ANKS1A: variants seen among roughly 807,000 people sequenced by gnomAD.
The protein encoded by ANKS1A is ankyrin repeat and SAM domain-containing protein 1A.
ANKS1A carries 55 observed loss-of-function variants against 120.3 expected under a neutral mutation model. The ratio of observed to expected loss-of-function variants is 0.46; its 90% CI spans 0.37 to 0.57. The LOEUF is 0.57. ANKS1A is among the 20% of genes least tolerant of loss of function. ANKS1A has a pLI of 0.00. For missense variants in ANKS1A, 1,123 were observed against 1,480.3 expected (o/e 0.76, Z 3.96); for synonymous variants, 590 against 604.7 (o/e 0.98, Z 0.36).
chr6:34,929,845 T>C (rs1282043202), intron 1 of ANKS1A, among the ~76,000 whole-genome samples: 2 of 149,074 alleles, frequency 1.3e-5, no homozygotes, highest in African/African-American at 5.0e-5. Context: ...CTCTCTTTCT[T>C]TCTCTTTCTC....
chr6:34,906,958 G>C (rs752178901), intron 1 of ANKS1A, among the ~76,000 whole-genome samples: 1 of 152,170 alleles, frequency 6.6e-6, no homozygotes, highest in Non-Finnish European at 1.5e-5. Flanking sequence ...AGTAATGAAG[G>C]TTAACATCAC....
At chr6:34,941,509 C>T (rs1206928220) in intron 1 of ANKS1A, among the ~76,000 whole-genome samples, 1 of 152,008 alleles carries the variant, frequency 6.6e-6, no homozygotes, top group Non-Finnish European at 1.5e-5. Context: ...CTCAAGCAAT[C>T]CTCCCACCTC....
intron 3 of ANKS1A, among the ~76,000 whole-genome samples, chr6:34,980,400 A>G (rs1005545874): frequency 9.2e-5 from 14 of 152,208 alleles, no homozygotes; most frequent in African/African-American, 3.4e-4. Context: ...TGTTCCCAGC[A>G]GCTGTGGATC....
chr6:35,080,283 C>T (rs113714020), intron 16 of ANKS1A, among the ~76,000 whole-genome samples: 5 of 152,194 alleles, frequency 3.3e-5, no homozygotes, highest in Non-Finnish European at 7.3e-5. Context: ...AATCTGAGTT[C>T]GAATTCCCAG....
chr6:34,989,375 C>T (rs1406864949), intron 9 of ANKS1A, 59 bp downstream of exon 9: 13 of 1,472,228 alleles, frequency 8.8e-6, no homozygotes, highest in African/African-American at 1.4e-5. Context: ...AAAAGTGCAT[C>T]GATGTGTGCT....
At chr6:34,965,501 G>T (rs1459675645) in intron 1 of ANKS1A, among the ~76,000 whole-genome samples, 3 of 151,848 alleles carry the variant, frequency 2.0e-5, no homozygotes, top group African/African-American at 7.3e-5. Context: ...ACAGGTGCCC[G>T]CCACCATGCC....
At chr6:34,949,424 A>G (rs965459722) in intron 1 of ANKS1A, among the ~76,000 whole-genome samples, 2 of 152,194 alleles carry the variant, frequency 1.3e-5, no homozygotes, top group African/African-American at 4.8e-5. Context: ...TCTTAAGTAG[A>G]AGGAAAACCT....
At chr6:34,900,835 G>T (rs2127447138) in intron 1 of ANKS1A, among the ~76,000 whole-genome samples, 1 of 151,882 alleles carries the variant, frequency 6.6e-6, no homozygotes, top group Middle Eastern at 3.4e-3. Flanking sequence ...ATACAGTGAG[G>T]TAGGCTCATT....
chr6:35,032,600 C>T (rs1774963639), intron 11 of ANKS1A, among the ~76,000 whole-genome samples: 1 of 152,124 alleles, frequency 6.6e-6, no homozygotes, highest in African/African-American at 2.4e-5. Flanking sequence ...CATGTTTTCC[C>T]CCAAAGAACT....
At chr6:34,953,298 G>A (rs1403113816) in intron 1 of ANKS1A, among the ~76,000 whole-genome samples, 2 of 152,194 alleles carry the variant, frequency 1.3e-5, no homozygotes, top group African/African-American at 4.8e-5. Flanking sequence ...GAGTTCTACA[G>A]GAAGTTCTTG....
intron 11 of ANKS1A, among the ~76,000 whole-genome samples, chr6:35,026,666 G>A (rs538234274): frequency 4.6e-5 from 7 of 151,964 alleles, no homozygotes; most frequent in Admixed American, 2.0e-4. Flanking sequence ...GGGTGGGGAG[G>A]GAGAAGCATG....
chr6:35,073,569 G>A lies in ANKS1A; in HGVS notation c.2185-4989G>A, dbSNP rs150471192. ...GACTGGACCCAAACCAGGCCAGGCCGGAAGACTAGTTGTGTGTTTCAGATG... is the reference window on the plus strand; with the variant it reads ...GACTGGACCCAAACCAGGCCAGGCCAGAAGACTAGTTGTGTGTTTCAGATG... On this transcript the variant is annotated intron_variant, in intron 13 of 23. Coordinates refer to ENST00000360359, the MANE Select transcript of ANKS1A (RefSeq NM_015245.3). 2.2e-3 allele frequency among the ~76,000 whole-genome samples: 338 copies of A among 152,336 alleles called. 1 individual carries two copies. Among genetic ancestry groups the A allele is most frequent in the Middle Eastern group, 3.4e-3 (1 of 294 alleles).
chr6:35,058,191 A>G lies in ANKS1A; in HGVS notation c.2078-1956A>G, dbSNP rs887194519. 3 of 152,856 alleles carry G rather than the reference A, an allele frequency of 2.0e-5. No homozygotes were observed. The highest frequency in any genetic ancestry group is 4.4e-5 in the Non-Finnish European group (3 of 68,274). 9.5% of individuals were successfully genotyped at this position (152,856 alleles called of 1,614,324 possible). A position where few individuals can be genotyped will look rare whatever the true frequency, so the allele number is the denominator to read the frequency against. ...GAGGGGAGGAAGGGGAGGGCCAGAC[A>G]TTACGAGAGTGAGCAAGGACTGTGG... On this transcript the variant is annotated intron_variant, in intron 12 of 23. Coordinates refer to ENST00000360359, the MANE Select transcript of ANKS1A (RefSeq NM_015245.3). This position sits in a 1 kb window ranked among gnomAD's most constrained non-coding sequence, Gnocchi z 5.1.
chr6:34,935,151 A>G (rs1221270474), intron 1 of ANKS1A, among the ~76,000 whole-genome samples: 3 of 152,116 alleles, frequency 2.0e-5, no homozygotes. Context: ...CAGTGGTGTG[A>G]TCATAGTTCA....
At chr6:35,022,306 G>A (rs1774384122) in intron 11 of ANKS1A, among the ~76,000 whole-genome samples, 1 of 152,220 alleles carries the variant, frequency 6.6e-6, no homozygotes, top group Admixed American at 6.5e-5. Flanking sequence ...CAAATGGCTG[G>A]TTGGTTGAGA....
At chr6:34,900,529 G>A (rs980314860) in intron 1 of ANKS1A, among the ~76,000 whole-genome samples, 9 of 151,932 alleles carry the variant, frequency 5.9e-5, no homozygotes, top group Admixed American at 3.9e-4. Flanking sequence ...GAGCTCAAGC[G>A]ATCCTCCTGC....
In ANKS1A at chr6:35,050,688, C is replaced by T. The variant is rs1231291615; in HGVS notation, c.2011-3411C>T. Among the ~76,000 whole-genome samples, 3 of 152,208 alleles carry T rather than the reference C, an allele frequency of 2.0e-5. No individual in the cohort carries two copies. Among genetic ancestry groups the T allele is most frequent in the Non-Finnish European group, 4.4e-5 (3 of 68,042 alleles). On this transcript the variant is annotated intron_variant, in intron 11 of 23. Transcript: ENST00000360359. The surrounding 1 kb of genome is among the most constrained non-coding windows in gnomAD (Gnocchi z 4.3). ...GAGAGAAGATGAGCTCCGGCTTCTC[C>T]CCATCTGCACAGCTCAGGCTGAGGG... is the stretch of plus-strand genomic sequence containing the variant.
intron 13 of ANKS1A, among the ~76,000 whole-genome samples, chr6:35,075,746 TACACACACATAC>T (rs946329539): frequency 2.5e-4 from 38 of 152,240 alleles, no homozygotes; most frequent in Admixed American, 7.8e-4. Context: ...TTGTTGTATG[TACACACACATAC>T]ACACACACTT....
intron 11 of ANKS1A, chr6:35,038,399 G>A: frequency 4.5e-6 from 2 of 449,328 alleles, no homozygotes; most frequent in South Asian, 3.1e-5. Flanking sequence ...AGAGTTAAGG[G>A]CAGTGAAGAG....
Sources: gnomAD v4.1 joint callset for allele counts (sites outside exome capture counted in the v4.1 genomes callset) on GRCh38, gnomAD v4.1.1 for gene constraint, Gnocchi (gnomAD v3.1) non-coding constraint, MANE v1.5 for transcripts, NCBI Gene and HGNC (gene_info 2026-07-23, HGNC 2026-07-21) for gene names.